TEK: variants seen among roughly 807,000 people sequenced by gnomAD.
TEK encodes the protein TEK receptor tyrosine kinase.
A neutral mutation model predicts 131.8 loss-of-function variants in TEK; 43 were observed. The observed-to-expected ratio is 0.33, with a 90% CI of 0.26 to 0.42. The LOEUF is 0.42. Among genes scored for constraint, TEK ranks in the 10% least tolerant of loss-of-function variants. The pLI is 1.00. For missense variants in TEK, 1,162 were observed against 1,384.4 expected (o/e 0.84, Z 2.55); for synonymous variants, 580 against 491.6 (o/e 1.18, Z -2.38).
intron 1 of TEK, among the ~76,000 whole-genome samples, chr9:27,138,238 G>C (rs148230629): frequency 1.3e-4 from 20 of 152,336 alleles, no homozygotes; most frequent in Admixed American, 1.0e-3. Flanking sequence ...GATCTGAGCG[G>C]GTTGCCGCTG....
chr9:27,212,599 T>A, intron 16 of TEK, 108 bp from the exon 17 acceptor site: 1 of 1,193,918 alleles, frequency 8.4e-7, no homozygotes, highest in Non-Finnish European at 1.2e-6. Context: ...TTGCTAGATG[T>A]GTTTTTTAGA....
intron 6 of TEK, among the ~76,000 whole-genome samples, chr9:27,176,786 A>G (rs952664028): frequency 6.6e-5 from 10 of 152,190 alleles, no homozygotes; most frequent in African/African-American, 2.2e-4. Flanking sequence ...AGAACTCCAG[A>G]ACTTACTTAT....
At chr9:27,126,125 A>G (rs1236494346) in intron 1 of TEK, among the ~76,000 whole-genome samples, 1 of 152,192 alleles carries the variant, frequency 6.6e-6, no homozygotes, top group Non-Finnish European at 1.5e-5. Flanking sequence ...ACATTAATAC[A>G]TAACCCTGCT....
chr9:27,225,803 C>T (rs1419107329), intron 21 of TEK, among the ~76,000 whole-genome samples: 4 of 152,096 alleles, frequency 2.6e-5, no homozygotes, highest in Admixed American at 2.6e-4. Context: ...AACAGGCAAC[C>T]TACAGAATGG....
At chr9:27,179,996 A>G in intron 6 of TEK, among the ~76,000 whole-genome samples, 1 of 152,124 alleles carries the variant, frequency 6.6e-6, no homozygotes, top group Non-Finnish European at 1.5e-5. Context: ...TGCTTTCAGG[A>G]AGTTATTTTC....
intron 18 of TEK, among the ~76,000 whole-genome samples, chr9:27,216,828 C>T (rs1192055839): frequency 7.2e-5 from 11 of 152,230 alleles, no homozygotes; most frequent in African/African-American, 2.4e-4. Flanking sequence ...CACCCACTGG[C>T]TAATCTAGGT....
intron 8 of TEK, among the ~76,000 whole-genome samples, chr9:27,184,754 G>A (rs1187702811): frequency 1.3e-5 from 2 of 152,116 alleles, no homozygotes; most frequent in Non-Finnish European, 2.9e-5. Context: ...AAATGGCAAA[G>A]AGGCCAGATA....
chr9:27,164,137 C>T (rs1318273445), intron 2 of TEK, among the ~76,000 whole-genome samples: 1 of 152,120 alleles, frequency 6.6e-6, no homozygotes, highest in African/African-American at 2.4e-5. Context: ...TCCTGGCTCT[C>T]CCATGTATAT....
At chr9:27,167,866 T>G (rs999715931) in intron 2 of TEK, among the ~76,000 whole-genome samples, 23 of 151,828 alleles carry the variant, frequency 1.5e-4, no homozygotes, top group African/African-American at 4.6e-4. Context: ...TTCATGTTTT[T>G]TTTTTCCCAC....
At chr9:27,186,869 A>T (rs1329763832) in intron 9 of TEK, among the ~76,000 whole-genome samples, 1 of 152,152 alleles carries the variant, frequency 6.6e-6, no homozygotes, top group Admixed American at 6.6e-5. Flanking sequence ...CGTAAATGCA[A>T]CCCCATAGAT....
At chr9:27,179,042 T>C (rs999382585) in intron 6 of TEK, among the ~76,000 whole-genome samples, 1 of 152,236 alleles carries the variant, frequency 6.6e-6, no homozygotes, top group Non-Finnish European at 1.5e-5. Context: ...AAATATTTTG[T>C]CTAACCCTTT....
intron 1 of TEK, among the ~76,000 whole-genome samples, 197 bp downstream of exon 1, chr9:27,109,839 C>T (rs1385873757): frequency 6.6e-6 from 1 of 152,108 alleles, no homozygotes; most frequent in Non-Finnish European, 1.5e-5. Context: ...ACTGATTTTG[C>T]TAGTTTGTCT....
chr9:27,190,067 GAAT>G (rs1410111274), intron 9 of TEK, among the ~76,000 whole-genome samples: 3 of 152,302 alleles, frequency 2.0e-5, no homozygotes, highest in Non-Finnish European at 4.4e-5. Flanking sequence ...TTAACTGGGA[GAAT>G]AATGGGAGGT....
chr9:27,181,163 C>A (rs1377922186), intron 7 of TEK, among the ~76,000 whole-genome samples: 1 of 152,144 alleles, frequency 6.6e-6, no homozygotes, highest in Non-Finnish European at 1.5e-5. Flanking sequence ...TTTTGACTCT[C>A]CAAAGACTTA....
At chr9:27,119,630 A>C (rs1293412701) in intron 1 of TEK, among the ~76,000 whole-genome samples, 2 of 150,858 alleles carry the variant, frequency 1.3e-5, no homozygotes, top group East Asian at 3.9e-4. Context: ...TCGGGTGGGG[A>C]GATTCCTCTC....
In TEK at chr9:27,192,544, C is replaced by G. The variant is rs1191613489; in HGVS notation, c.1545C>G (p.Leu515=). Residue 515 remains leucine, a synonymous_variant, in exon 11 of 23, where the codon CTC becomes CTG. Coordinates refer to ENST00000380036, the MANE Select transcript of TEK (RefSeq NM_000459.5). Reference sequence around the variant, plus strand: ...TGGAACCTCGGACAGAATATGAACTCTGTGTGCAACTGGTCCGTCGTGGAG... The same window carrying G: ...TGGAACCTCGGACAGAATATGAACTGTGTGTGCAACTGGTCCGTCGTGGAG... ...NYLEPRTEYE[L]CVQLVRRGEG... is the part of the protein sequence containing the mutation. 2 of 1,613,866 alleles carry G rather than the reference C, an allele frequency of 1.2e-6. No homozygotes were observed. The highest frequency in any genetic ancestry group is 1.7e-6 in the Non-Finnish European group (2 of 1,179,930).
chr9:27,194,186 C>T (rs1209292846), intron 11 of TEK, among the ~76,000 whole-genome samples: 1 of 152,166 alleles, frequency 6.6e-6, no homozygotes, highest in Non-Finnish European at 1.5e-5. Context: ...TCCCAGTTCA[C>T]ATATTTGCCT....
chr9:27,197,471 C>A lies in TEK; in HGVS notation c.1781C>A (p.Pro594Gln), dbSNP rs767748648. 6.2e-7 allele frequency: 1 copy of A among 1,613,990 alleles called. No homozygotes were observed. The highest frequency in any genetic ancestry group is 8.5e-7 in the Non-Finnish European group (1 of 1,179,996). Residue 594 changes from proline (P) to glutamine (Q), a missense_variant, in exon 12 of 23, where the codon CCA (proline) becomes CAA (glutamine). Transcript: ENST00000380036. Reference protein sequence around the residue: ...QKSDQQNIKVPGNLTSVLLNN... With the variant: ...QKSDQQNIKVQGNLTSVLLNN... Reference sequence around the variant, plus strand: ...AGTGATCAGCAGAATATTAAAGTTCCAGGCAACTTGACTTCGGTGCTACTT... The same window carrying A: ...AGTGATCAGCAGAATATTAAAGTTCAAGGCAACTTGACTTCGGTGCTACTT...
intron 1 of TEK, among the ~76,000 whole-genome samples, chr9:27,110,172 C>CTTTTTTTTTT (rs56159018): frequency 2.8e-5 from 4 of 144,864 alleles, no homozygotes; most frequent in Non-Finnish European, 6.0e-5. Flanking sequence ...AAATTGTAGG[C>CTTTTTTTTTT]TTTTTTTTTT....
Sources: allele counts gnomAD v4.1 joint callset (sites outside exome capture counted in the v4.1 genomes callset), GRCh38; gene constraint gnomAD v4.1.1; transcripts MANE v1.5; gene names NCBI Gene and HGNC (gene_info 2026-07-23, HGNC 2026-07-21).